Variants in PTPRD observed in about 807,000 individuals in gnomAD.
PTPRD encodes protein tyrosine phosphatase receptor type D.
PTPRD carries 34 observed loss-of-function variants against 214.5 expected under a neutral mutation model. The ratio of observed to expected loss-of-function variants is 0.16; its 90% CI spans 0.12 to 0.21. The LOEUF is 0.21. PTPRD is among the 10% of genes least tolerant of loss of function. The pLI, the probability that PTPRD is intolerant of heterozygous loss-of-function variation, is 1.00. For synonymous variants in PTPRD, 1,128 were observed against 845.7 expected, an observed-to-expected ratio of 1.33 and a Z score of -5.79; for missense variants, 2,545 against 2,398.7, an observed-to-expected ratio of 1.06 and a Z score of -1.27.
chr9:8,734,119 T>C (rs1319175587), intron 11 of PTPRD, among the ~76,000 whole-genome samples, 173 bp from the exon 12 acceptor site: 1 of 152,186 alleles, frequency 6.6e-6, no homozygotes, highest in East Asian at 1.9e-4. Context: ...AATAACTTGG[T>C]TTGTAAAATG....
At chr9:8,995,245 T>C (rs1567472709) in intron 11 of PTPRD, among the ~76,000 whole-genome samples, 1 of 152,038 alleles carries the variant, frequency 6.6e-6, no homozygotes, top group Non-Finnish European at 1.5e-5. Context: ...AATTACTTTA[T>C]TGGTTGTGAT....
chr9:9,738,436 TCAC>T (rs1452839357), intron 6 of PTPRD, among the ~76,000 whole-genome samples: 1 of 130,006 alleles, frequency 7.7e-6, no homozygotes, highest in South Asian at 2.5e-4. Flanking sequence ...CTTCACTCAC[TCAC>T]TTTTTTTTTT....
At chr9:10,414,950 G>T (rs2154513482) in intron 2 of PTPRD, among the ~76,000 whole-genome samples, 1 of 151,842 alleles carries the variant, frequency 6.6e-6, no homozygotes, top group South Asian at 2.1e-4. Context: ...TGGGAAGAAA[G>T]AGAGGAGCAG....
chr9:8,335,544 T>A (rs934369192), intron 43 of PTPRD, among the ~76,000 whole-genome samples: 1 of 152,192 alleles, frequency 6.6e-6, no homozygotes, highest in Non-Finnish European at 1.5e-5. Context: ...TCATAACGAA[T>A]GGGCAAAAAC....
At chr9:10,477,966 C>T (rs551314265) in intron 2 of PTPRD, among the ~76,000 whole-genome samples, 17 of 151,368 alleles carry the variant, frequency 1.1e-4, no homozygotes, top group South Asian at 2.1e-4. Context: ...GACATCACAC[C>T]GAGAACTGTC....
intron 5 of PTPRD, among the ~76,000 whole-genome samples, chr9:9,840,761 CAAAAAAAAAAAAAAAAAAAAAAAAAAA>C (rs59780411): frequency 6.0e-4 from 37 of 61,620 alleles, no homozygotes; most frequent in African/African-American, 2.6e-3. Context: ...GACTCCGTTT[CAAAAAAAAAAAAAAAAAAAAAAAAAAA>C]AAAAAAAAAA....
At position 9,620,149 on chromosome 9, in the gene PTPRD, T is replaced by G. The variant is rs201231717; in HGVS notation, c.-286-45368A>C. Reference sequence around the variant, plus strand: ...GTTTTGGAATTTCTAATTTCCTACTTAATGTTCTCCAGGTCCTCCACATAA... The same window carrying G: ...GTTTTGGAATTTCTAATTTCCTACTGAATGTTCTCCAGGTCCTCCACATAA... On this transcript the variant is annotated intron_variant, in intron 7 of 45. Transcript: ENST00000381196. Among the ~76,000 whole-genome samples, 11 of 152,192 alleles carry G rather than the reference T, an allele frequency of 7.2e-5. No homozygotes were observed. The East Asian group carries it at 2.1e-3, about 30-fold the overall frequency.
chr9:9,288,163 G>C (rs1029582597), intron 9 of PTPRD, among the ~76,000 whole-genome samples: 3 of 151,688 alleles, frequency 2.0e-5, no homozygotes, highest in Non-Finnish European at 4.4e-5. Context: ...TAAAAGGAAT[G>C]TTTTATAAAG....
At chr9:9,901,328 T>A (rs2076348449) in intron 5 of PTPRD, among the ~76,000 whole-genome samples, 1 of 152,212 alleles carries the variant, frequency 6.6e-6, no homozygotes, top group African/African-American at 2.4e-5. Flanking sequence ...ACCTTCGATG[T>A]TCAACCTCCT....
chr9:8,622,816 T>C (rs907662425), intron 14 of PTPRD, among the ~76,000 whole-genome samples: 9 of 151,928 alleles, frequency 5.9e-5, no homozygotes, highest in African/African-American at 2.2e-4. Flanking sequence ...TAGAAACTTT[T>C]TCCTAAAACT....
In PTPRD at chr9:9,768,735, T is replaced by C. The variant is rs138103518; in HGVS notation, c.-367-1884A>G. On this transcript the variant is annotated intron_variant, in intron 5 of 45. Coordinates refer to ENST00000381196, the MANE Select transcript of PTPRD (RefSeq NM_002839.4). The stretch of plus-strand genomic sequence containing the variant: ...TTCCACAGGTCACATAAGAATCCAA[T>C]TGTCTAATAGCCATGAAAACAAAAG... Among the ~76,000 whole-genome samples, 339 of 152,312 alleles carry C rather than the reference T, an allele frequency of 2.2e-3. 1 individual carries two copies. Among genetic ancestry groups the C allele is most frequent in the African/African-American group, 7.7e-3 (321 of 41,570 alleles).
intron 12 of PTPRD, among the ~76,000 whole-genome samples, chr9:8,686,029 T>C (rs2097674361): frequency 6.6e-6 from 1 of 152,206 alleles, no homozygotes; most frequent in Non-Finnish European, 1.5e-5. Flanking sequence ...TGTTCTCATC[T>C]GAATGCTAAG....
intron 11 of PTPRD, among the ~76,000 whole-genome samples, chr9:9,006,918 AG>A (rs1443474674): frequency 1.3e-5 from 2 of 152,072 alleles, no homozygotes; most frequent in Non-Finnish European, 2.9e-5. Context: ...AGATAAATGT[AG>A]ACAGTAAATC....
intron 11 of PTPRD, among the ~76,000 whole-genome samples, chr9:8,836,750 C>G (rs2097433564): frequency 6.6e-6 from 1 of 151,550 alleles, no homozygotes; most frequent in Admixed American, 6.6e-5. Context: ...GCGCATGCCA[C>G]CATGTCCAGC....
chr9:10,013,259 C>A (rs1192765287), intron 4 of PTPRD, among the ~76,000 whole-genome samples: 1 of 151,780 alleles, frequency 6.6e-6, no homozygotes, highest in East Asian at 1.9e-4. Context: ...AGGTCCCTGG[C>A]CTCTAGTTAG....
intron 14 of PTPRD, among the ~76,000 whole-genome samples, chr9:8,610,740 G>A (rs985353419): frequency 6.6e-6 from 1 of 152,146 alleles, no homozygotes; most frequent in Non-Finnish European, 1.5e-5. Context: ...ATTTCATCCA[G>A]TCTAGTTCTG....
intron 11 of PTPRD, among the ~76,000 whole-genome samples, chr9:8,892,619 G>A (rs928455997): frequency 6.7e-6 from 1 of 148,260 alleles, no homozygotes. Context: ...GTATATATAT[G>A]TGTATATATA....
At chr9:8,661,660 AT>A (rs2097056226) in intron 12 of PTPRD, among the ~76,000 whole-genome samples, 1 of 151,858 alleles carries the variant, frequency 6.6e-6, no homozygotes, top group Admixed American at 6.6e-5. Context: ...CAGCAATTAT[AT>A]TCTACTATTA....
intron 11 of PTPRD, among the ~76,000 whole-genome samples, chr9:8,776,108 G>A (rs918571391): frequency 2.0e-5 from 3 of 152,108 alleles, no homozygotes; most frequent in Non-Finnish European, 4.4e-5. Context: ...GACTATCATA[G>A]AATTTCCTTG....
Sources: allele counts gnomAD v4.1 joint callset (sites outside exome capture counted in the v4.1 genomes callset), GRCh38; gene constraint gnomAD v4.1.1; transcripts MANE v1.5; gene names NCBI Gene and HGNC (gene_info 2026-07-23, HGNC 2026-07-21).